Variants in CNTNAP2 observed in about 807,000 individuals in gnomAD.
CNTNAP2 encodes the protein contactin-associated protein-like 2.
Under a neutral mutation model 155.2 loss-of-function variants are expected in CNTNAP2, and 98 were observed. The observed-to-expected ratio is 0.63, with a 90% CI of 0.54 to 0.75. CNTNAP2 has a LOEUF of 0.75. Among genes scored for constraint, CNTNAP2 ranks in the 30% least tolerant of loss-of-function variants. The probability of loss-of-function intolerance (pLI) is 0.00; values close to 1 mark genes in which losing one functional copy is unlikely to be tolerated. For missense variants in CNTNAP2, 1,727 were observed against 1,688.1 expected, an observed-to-expected ratio of 1.02 and a Z score of -0.40; for synonymous variants, 651 against 631.2, an observed-to-expected ratio of 1.03 and a Z score of -0.47.
At chr7:147,334,155 T>C (rs920079783) in intron 9 of CNTNAP2, among the ~76,000 whole-genome samples, 24 of 152,216 alleles carry the variant, frequency 1.6e-4, no homozygotes, top group African/African-American at 5.8e-4. Flanking sequence ...AATGTCTTAA[T>C]CCAACACTTC....
intron 1 of CNTNAP2, among the ~76,000 whole-genome samples, chr7:146,490,188 T>A (rs1797117897): frequency 6.6e-6 from 1 of 152,230 alleles, no homozygotes; most frequent in Admixed American, 6.5e-5. Flanking sequence ...GTTTCAATAA[T>A]CATTTGTTGT....
At chr7:148,362,207 A>AC (rs60073098) in intron 21 of CNTNAP2, among the ~76,000 whole-genome samples, 49,775 of 124,400 alleles carry the variant, frequency 0.4, 8,741 homozygotes, top group Non-Finnish European at 0.47. Context: ...CTAAAAAAAA[A>AC]AACAAAAAAC....
chr7:146,327,341 T>A (rs1407548308), intron 1 of CNTNAP2, among the ~76,000 whole-genome samples: 1 of 152,170 alleles, frequency 6.6e-6, no homozygotes, highest in Non-Finnish European at 1.5e-5. Context: ...AAACATTAAA[T>A]TTACAAGAAA....
rs1800189371 is a variant in CNTNAP2, at chr7:147,917,964, T to G, written c.2255+14243T>G. Among the ~76,000 whole-genome samples, 3 of 152,204 alleles carry G rather than the reference T, an allele frequency of 2.0e-5. No homozygotes were observed. The South Asian group carries it at 6.2e-4, about 31-fold the overall frequency. On this transcript the variant is annotated intron_variant, in intron 14 of 23. Coordinates refer to ENST00000361727, the MANE Select transcript of CNTNAP2 (RefSeq NM_014141.6). ...CACCTAAAATAACTCTTCACATATC[T>G]GCGTTTTCAACATCATCTACTTCTG...
At chr7:146,340,961 A>G (rs1279672966) in intron 1 of CNTNAP2, among the ~76,000 whole-genome samples, 1 of 152,180 alleles carries the variant, frequency 6.6e-6, no homozygotes, top group African/African-American at 2.4e-5. Flanking sequence ...ACAAGAAGAA[A>G]ATATCTCTTC....
At chr7:146,371,562 A>G (rs886682559) in intron 1 of CNTNAP2, among the ~76,000 whole-genome samples, 8 of 151,686 alleles carry the variant, frequency 5.3e-5, no homozygotes, top group African/African-American at 1.9e-4. Flanking sequence ...TATTTTTAGT[A>G]GAAACGGGGT....
intron 9 of CNTNAP2, among the ~76,000 whole-genome samples, chr7:147,389,721 A>G (rs1030907521): frequency 6.6e-6 from 1 of 152,210 alleles, no homozygotes. Context: ...TGCAATTGAG[A>G]CTGACAAGAT....
chr7:147,631,870 G>A (rs564946721), intron 12 of CNTNAP2, among the ~76,000 whole-genome samples: 18 of 152,126 alleles, frequency 1.2e-4, no homozygotes, highest in East Asian at 1.2e-3. Flanking sequence ...TCCTGAAACC[G>A]TAAACATTCT....
intron 8 of CNTNAP2, among the ~76,000 whole-genome samples, chr7:147,234,939 G>T (rs1244672819): frequency 6.6e-6 from 1 of 152,134 alleles, no homozygotes; most frequent in South Asian, 2.1e-4. Flanking sequence ...TGATGCAGAC[G>T]CTTTGATGGT....
At chr7:146,314,230 C>T (rs1449029509) in intron 1 of CNTNAP2, among the ~76,000 whole-genome samples, 1 of 152,110 alleles carries the variant, frequency 6.6e-6, no homozygotes, top group African/African-American at 2.4e-5. Context: ...AGTGTTCCTC[C>T]TTAATCAGCC....
intron 14 of CNTNAP2, among the ~76,000 whole-genome samples, chr7:147,966,269 A>G (rs1801207804): frequency 6.6e-6 from 1 of 152,146 alleles, no homozygotes; most frequent in East Asian, 1.9e-4. Context: ...CAAATCCCCA[A>G]AATAAAAATT....
chr7:146,457,271 A>G (rs1036403130), intron 1 of CNTNAP2, among the ~76,000 whole-genome samples: 2 of 151,752 alleles, frequency 1.3e-5, no homozygotes, highest in Admixed American at 6.6e-5. Flanking sequence ...ATAGAAAGTG[A>G]TGGACATATG....
chr7:147,466,612 C>T (rs1295954425), intron 10 of CNTNAP2, among the ~76,000 whole-genome samples: 1 of 152,156 alleles, frequency 6.6e-6, no homozygotes, highest in Non-Finnish European at 1.5e-5. Flanking sequence ...TGATCCCCAA[C>T]ATCTGAGCAT....
At chr7:148,222,389 G>A (rs995981453) in intron 19 of CNTNAP2, among the ~76,000 whole-genome samples, 13 of 152,178 alleles carry the variant, frequency 8.5e-5, no homozygotes, top group African/African-American at 4.8e-5. Flanking sequence ...TGCAGGGCAT[G>A]ACATGGCGAG....
intron 1 of CNTNAP2, among the ~76,000 whole-genome samples, chr7:146,641,569 C>T (rs1022034475): frequency 6.6e-5 from 10 of 152,270 alleles, no homozygotes; most frequent in Non-Finnish European, 1.5e-4. Flanking sequence ...TTTCTCTCAG[C>T]TTCAATCTTT....
At chr7:146,363,487 C>T (rs941950179) in intron 1 of CNTNAP2, among the ~76,000 whole-genome samples, 9 of 152,160 alleles carry the variant, frequency 5.9e-5, no homozygotes, top group South Asian at 4.2e-4. Flanking sequence ...GTGACTCTAA[C>T]AGTAGAGACT....
chr7:146,502,233 A>G (rs1307144533), intron 1 of CNTNAP2, among the ~76,000 whole-genome samples: 98 of 54,390 alleles, frequency 1.8e-3, no homozygotes, highest in African/African-American at 7.7e-3. Context: ...GAATATATAT[A>G]TATATATATA....
chr7:148,334,894 G>A (rs1475261262), intron 21 of CNTNAP2, among the ~76,000 whole-genome samples: 1 of 152,200 alleles, frequency 6.6e-6, no homozygotes, highest in Non-Finnish European at 1.5e-5. Context: ...ATGATATCAA[G>A]ACTCTAATTT....
intron 1 of CNTNAP2, among the ~76,000 whole-genome samples, chr7:146,478,048 G>T (rs1205266550): frequency 1.3e-5 from 2 of 152,130 alleles, no homozygotes; most frequent in Non-Finnish European, 2.9e-5. Context: ...TTGGTTTGGG[G>T]TTTAGTTAGG....
Sources: gnomAD v4.1 joint callset for allele counts (sites outside exome capture counted in the v4.1 genomes callset) on GRCh38, gnomAD v4.1.1 for gene constraint, MANE v1.5 for transcripts, NCBI Gene and HGNC (gene_info 2026-07-23, HGNC 2026-07-21) for gene names.